Variants in GGCT observed in about 807,000 individuals in gnomAD.
The protein encoded by GGCT is cytochrome c-releasing factor 21.
Under a neutral mutation model 22.1 loss-of-function variants are expected in GGCT, and 20 were observed. The ratio of observed to expected loss-of-function variants is 0.91; its 90% CI spans 0.64 to 1.32. The LOEUF (loss-of-function observed/expected upper bound fraction) is 1.32. Ranked by LOEUF, GGCT falls within the 40% of genes most tolerant of loss-of-function variation. GGCT has a pLI of 0.00. For synonymous variants in GGCT, 72 were observed against 78.4 expected, an observed-to-expected ratio of 0.92 and a Z score of 0.43; for missense variants, 209 against 223.5, an observed-to-expected ratio of 0.94 and a Z score of 0.41.
chr7:30,504,332 G>A (rs1789773005), intron 1 of GGCT, among the ~76,000 whole-genome samples: 1 of 152,248 alleles, frequency 6.6e-6, no homozygotes, highest in Non-Finnish European at 1.5e-5. Context: ...CCGAGCAGCC[G>A]GTGCAAAGGC....
chr7:30,499,315 G>A (rs1334152685), intron 2 of GGCT, among the ~76,000 whole-genome samples: 2 of 151,854 alleles, frequency 1.3e-5, no homozygotes, highest in Non-Finnish European at 2.9e-5. Context: ...GCTGAGGCTA[G>A]AGAATCACTT....
In GGCT at chr7:30,500,635, G is replaced by A. The variant is rs752473848; in HGVS notation, c.188C>T (p.Thr63Ile). 3 of 1,613,648 alleles carry A rather than the reference G, an allele frequency of 1.9e-6. No individual in the cohort carries two copies. The highest frequency in any genetic ancestry group is 2.5e-6 in the Non-Finnish European group (3 of 1,179,646). Residue 63 changes from threonine to isoleucine, a missense_variant, in exon 2 of 4, where the codon ACT becomes ATT. Physicochemically the swap from Thr to Ile is moderately conservative, Grantham distance 89. Coordinates refer to ENST00000275428, the MANE Select transcript of GGCT (RefSeq NM_024051.4). Reference protein sequence around the residue: ...FGNSQGKTSQTWHGGIATIFQ... With the variant: ...FGNSQGKTSQIWHGGIATIFQ... ...AATGGTGGCTATCCCTCCATGCCAA[G>A]TTTGACTTGTTTTGCCTTGGGAATT...
intron 1 of GGCT, 141 bp from the exon 2 acceptor site, chr7:30,500,822 GA>G (rs1269899918): frequency 6.7e-6 from 4 of 601,044 alleles, no homozygotes; most frequent in Admixed American, 3.3e-5. Context: ...AGAAGCTGTG[GA>G]AAATATAAAG....
chr7:30,497,289 T>G (rs1317026662), intron 3 of GGCT, 54 bp from the exon 4 acceptor site: 1 of 1,360,226 alleles, frequency 7.4e-7, no homozygotes, highest in Non-Finnish European at 1.0e-6. Flanking sequence ...AGGAATATAA[T>G]TTAACGTACC....
chr7:30,497,563 A>C (rs1292245403), intron 3 of GGCT: 3 of 402,456 alleles, frequency 7.5e-6, no homozygotes, highest in Non-Finnish European at 8.7e-6. Flanking sequence ...CTTCAAAAAA[A>C]ATTTAAAGTT....
intron 3 of GGCT, chr7:30,497,589 C>T (rs1044107855): frequency 3.3e-5 from 14 of 425,982 alleles, no homozygotes; most frequent in East Asian, 3.6e-5. Context: ...AGAGCAGTTT[C>T]GGTTACAACG....
At chr7:30,504,244 G>T (rs1789770749) in intron 1 of GGCT, among the ~76,000 whole-genome samples, 1 of 152,250 alleles carries the variant, frequency 6.6e-6, no homozygotes, top group Non-Finnish European at 1.5e-5. Context: ...CCCAGACACG[G>T]GTCAGAGAAG....
chr7:30,500,817 C>A (rs1195844613), intron 1 of GGCT, 136 bp from the exon 2 acceptor site: 5 of 611,266 alleles, frequency 8.2e-6, no homozygotes, highest in Middle Eastern at 8.7e-4. Context: ...GCATAAGAAG[C>A]TGTGGAAAAT....
chr7:30,504,458 C>A, intron 1 of GGCT, 111 bp downstream of exon 1: 1 of 1,267,822 alleles, frequency 7.9e-7, no homozygotes. Flanking sequence ...CGTCCTAGTA[C>A]CCTCATCAAG....
At chr7:30,499,550 AAC>A (rs1491434629) in intron 2 of GGCT, among the ~76,000 whole-genome samples, 2 of 151,878 alleles carry the variant, frequency 1.3e-5, no homozygotes, top group Non-Finnish European at 2.9e-5. Context: ...CTAAAAAAAA[AAC>A]ACACAAAAAA....
At chr7:30,499,708 G>A (rs1372556350) in intron 2 of GGCT, among the ~76,000 whole-genome samples, 7 of 149,878 alleles carry the variant, frequency 4.7e-5, no homozygotes, top group African/African-American at 1.7e-4. Context: ...GCGAGACTCC[G>A]TTACAAAAAA....
Position 30,504,712 on chromosome 7 carries a change from C to A in GGCT, c.-3G>T, listed in dbSNP as rs1562744304. 10 of 1,613,892 alleles carry A rather than the reference C, an allele frequency of 6.2e-6. No individual in the cohort carries two copies. The highest frequency in any genetic ancestry group is 8.5e-6 in the Non-Finnish European group (10 of 1,179,774). ...TCCTTGCAGCCCGAGTTGGCCATATCCCACTACGCCCCTGCACTGGAGCCT... is the reference window on the plus strand; with the variant it reads ...TCCTTGCAGCCCGAGTTGGCCATATACCACTACGCCCCTGCACTGGAGCCT... On this transcript the variant is annotated 5_prime_UTR_variant, in exon 1 of 4. Coordinates refer to ENST00000275428, the MANE Select transcript of GGCT (RefSeq NM_024051.4).
intron 1 of GGCT, 117 bp from the exon 2 acceptor site, chr7:30,500,798 T>C (rs1462611624): frequency 8.5e-6 from 6 of 704,896 alleles, no homozygotes; most frequent in Non-Finnish European, 1.4e-5. Context: ...TAAACTGAGT[T>C]CCTTCTATGC....
chr7:30,497,963 A>G (rs1268365990), intron 3 of GGCT: 1 of 699,776 alleles, frequency 1.4e-6, no homozygotes, highest in Non-Finnish European at 2.1e-6. Flanking sequence ...GAATCTTGGT[A>G]TTCATAAAAT....
chr7:30,498,250 C>T (rs1458360331), intron 3 of GGCT, among the ~76,000 whole-genome samples: 2 of 151,260 alleles, frequency 1.3e-5, no homozygotes. Flanking sequence ...TTCTGACTCA[C>T]ATATATTTCT....
intron 3 of GGCT, among the ~76,000 whole-genome samples, 179 bp downstream of exon 3, chr7:30,498,624 G>C (rs1344576479): frequency 6.6e-6 from 1 of 152,134 alleles, no homozygotes; most frequent in East Asian, 1.9e-4. Context: ...TCACCACGTT[G>C]GCTAGGCTGG....
At chr7:30,503,202 T>C (rs1789742613) in intron 1 of GGCT, among the ~76,000 whole-genome samples, 1 of 152,222 alleles carries the variant, frequency 6.6e-6, no homozygotes, top group African/African-American at 2.4e-5. Context: ...ATACGCCCCA[T>C]TGCACTTTGC....
Position 30,504,468 on chromosome 7 carries a change from G to T in GGCT, c.141+101C>A, listed in dbSNP as rs1789780592. 11 of 1,380,824 alleles carry T rather than the reference G, an allele frequency of 8.0e-6. No individual in the cohort carries two copies. The South Asian group carries it at 1.4e-4, about 17-fold the overall frequency. 85.5% of individuals were successfully genotyped at this position (1,380,824 alleles called of 1,614,324 possible). On this transcript the variant is annotated intron_variant, in intron 1 of 3. Transcript: ENST00000275428. ...AGCCGCGTCCTAGTACCCTCATCAAGAAGAACTGCATTCCTGGCCCGATCG... is the reference window on the plus strand; with the variant it reads ...AGCCGCGTCCTAGTACCCTCATCAATAAGAACTGCATTCCTGGCCCGATCG...
Position 30,498,864 on chromosome 7 carries a change from G to GTT in GGCT, c.360_361dup (p.Thr121LysfsTer7). 2 of 1,612,516 alleles carry GTT rather than the reference G, an allele frequency of 1.2e-6. No homozygotes were observed. Among genetic ancestry groups the GTT allele is most frequent in the Non-Finnish European group, 1.7e-6 (2 of 1,178,558 alleles). ...ATTTGTCATCAGATAACTTCGACAG[G>GTT]TTATTTCTTTTCCTTCTTGAGTTGC... On this transcript the variant is annotated frameshift_variant, in exon 3 of 4. Transcript: ENST00000275428. LOFTEE classifies it high-confidence loss of function.
Sources: allele counts gnomAD v4.1 joint callset (sites outside exome capture counted in the v4.1 genomes callset), GRCh38; gene constraint gnomAD v4.1.1; transcripts MANE v1.5; gene names NCBI Gene and HGNC (gene_info 2026-07-23, HGNC 2026-07-21).